Variants in LMBR1 observed in about 807,000 individuals in gnomAD.
LMBR1 encodes the protein limb region 1 protein homolog.
Under a neutral mutation model 73.9 loss-of-function variants are expected in LMBR1, and 52 were observed. The ratio of observed to expected loss-of-function variants is 0.70; its 90% confidence interval spans 0.56 to 0.89. The LOEUF (loss-of-function observed/expected upper bound fraction) is 0.89. Ranked by LOEUF, LMBR1 falls within the 40% of genes least tolerant of loss-of-function variation. The pLI is 0.00. For missense variants in LMBR1, 539 were observed against 579.8 expected (o/e 0.93, Z 0.72); for synonymous variants, 215 against 209.4 (o/e 1.03, Z -0.23).
chr7:156,674,432 T>C (rs112427529), downstream of LMBR1, among the ~76,000 whole-genome samples: 239 of 152,374 alleles, frequency 1.6e-3, no homozygotes, highest in African/African-American at 5.1e-3. Flanking sequence ...ACAGTCACCA[T>C]TGGCACAACC....
At chr7:156,733,634 A>T (rs1444991377) in intron 10 of LMBR1, among the ~76,000 whole-genome samples, 2 of 152,204 alleles carry the variant, frequency 1.3e-5, no homozygotes, top group Non-Finnish European at 2.9e-5. Flanking sequence ...CTGAAAAATA[A>T]AGGAACATCC....
chr7:156,692,577 G>C (rs1395506454), intron 15 of LMBR1, among the ~76,000 whole-genome samples: 2 of 152,156 alleles, frequency 1.3e-5, no homozygotes, highest in Admixed American at 6.5e-5. Flanking sequence ...GGAAACGAAG[G>C]ACAGTGATCA....
intron 4 of LMBR1, among the ~76,000 whole-genome samples, chr7:156,818,578 CT>C (rs1586008000): frequency 6.6e-6 from 1 of 152,152 alleles, no homozygotes; most frequent in East Asian, 1.9e-4. Flanking sequence ...TGATATTAAA[CT>C]CACATTACTT....
At chr7:156,776,105 G>C (rs1434209770) in intron 5 of LMBR1, among the ~76,000 whole-genome samples, 1 of 148,190 alleles carries the variant, frequency 6.7e-6, no homozygotes, top group African/African-American at 2.5e-5. Flanking sequence ...TTTTATATAT[G>C]TAAATTATAT....
At chr7:156,833,594 CAT>C in intron 3 of LMBR1, 157 bp downstream of exon 3, 1 of 401,632 alleles carries the variant, frequency 2.5e-6, no homozygotes, top group South Asian at 3.0e-5. Flanking sequence ...ATTATCCACA[CAT>C]ATTTGCTTAC....
chr7:156,793,813 C>A (rs983525340), intron 5 of LMBR1, among the ~76,000 whole-genome samples: 4 of 152,090 alleles, frequency 2.6e-5, no homozygotes, highest in Non-Finnish European at 4.4e-5. Flanking sequence ...CATGAATAAT[C>A]ACATCTCATT....
At chr7:156,788,820 G>C (rs948776467) in intron 5 of LMBR1, among the ~76,000 whole-genome samples, 2 of 152,220 alleles carry the variant, frequency 1.3e-5, no homozygotes, top group South Asian at 2.1e-4. Flanking sequence ...GGCCAAGGCA[G>C]GTGGATCACC....
intron 4 of LMBR1, among the ~76,000 whole-genome samples, chr7:156,807,589 T>C (rs1832369275): frequency 6.6e-6 from 1 of 152,190 alleles, no homozygotes; most frequent in South Asian, 2.1e-4. Flanking sequence ...CATTCTGGCA[T>C]TGTTTATCAA....
intron 9 of LMBR1, among the ~76,000 whole-genome samples, chr7:156,755,242 G>C (rs539514845): frequency 6.6e-6 from 1 of 152,234 alleles, no homozygotes; most frequent in South Asian, 2.1e-4. Flanking sequence ...CATATAATCA[G>C]CCACTTTTAA....
At chr7:156,866,219 G>C (rs1307925457) in intron 1 of LMBR1, among the ~76,000 whole-genome samples, 2 of 152,118 alleles carry the variant, frequency 1.3e-5, no homozygotes, top group East Asian at 3.8e-4. Context: ...ACCTAAAATA[G>C]TGACAACGAA....
intron 5 of LMBR1, among the ~76,000 whole-genome samples, chr7:156,780,495 A>G (rs1826939216): frequency 6.6e-6 from 1 of 152,236 alleles, no homozygotes; most frequent in African/African-American, 2.4e-5. Flanking sequence ...CAAAATTTTT[A>G]CACATAATTC....
chr7:156,718,750 CA>C (rs1339788642), intron 15 of LMBR1, among the ~76,000 whole-genome samples: 1 of 151,988 alleles, frequency 6.6e-6, no homozygotes, highest in Admixed American at 6.6e-5. Context: ...AAAAAGAAAA[CA>C]AACAGAATAC....
chr7:156,795,562 T>G (rs1157780249), intron 5 of LMBR1, among the ~76,000 whole-genome samples: 1 of 152,174 alleles, frequency 6.6e-6, no homozygotes, highest in Non-Finnish European at 1.5e-5. Context: ...TTCTTCTTGT[T>G]GTTTATTCTT....
chr7:156,859,935 A>G (rs898264458), intron 1 of LMBR1, among the ~76,000 whole-genome samples: 4 of 152,260 alleles, frequency 2.6e-5, no homozygotes, highest in Non-Finnish European at 4.4e-5. Flanking sequence ...TTTTGGTGAA[A>G]GAATAGAAAA....
rs763905326 is a variant in LMBR1 at position 156,678,912 on chromosome 7, G to A, written c.*5166C>T. 2.0e-5 allele frequency: 3 copies of A among 152,284 alleles called. No individual in the cohort carries two copies. The highest frequency in any genetic ancestry group is 4.1e-4 in the South Asian group (2 of 4,822). The allele number at this position is 152,284 out of a possible 1,614,324, so 9.4% of individuals were successfully genotyped here. A position where few individuals can be genotyped will look rare whatever the true frequency, so the allele number is the denominator to read the frequency against. On this transcript the variant is annotated 3_prime_UTR_variant, in exon 17 of 17. Transcript: ENST00000353442. Reference sequence around the variant, plus strand: ...CAAGTCCAGAAAGAGAATTCTTAGCGAATTGTGGGACTGGAGGCATTTGAT... The same window carrying A: ...CAAGTCCAGAAAGAGAATTCTTAGCAAATTGTGGGACTGGAGGCATTTGAT...
chr7:156,851,384 C>T (rs967048171), intron 1 of LMBR1, among the ~76,000 whole-genome samples: 1 of 152,212 alleles, frequency 6.6e-6, no homozygotes, highest in Non-Finnish European at 1.5e-5. Flanking sequence ...AATGCTTCCT[C>T]ACAGAAAACA....
intron 9 of LMBR1, among the ~76,000 whole-genome samples, chr7:156,742,979 G>T (rs1819185821): frequency 6.6e-6 from 1 of 152,122 alleles, no homozygotes; most frequent in African/African-American, 2.4e-5. Flanking sequence ...CATATCAATG[G>T]AATGAAGGAC....
chr7:156,733,707 G>GA, intron 10 of LMBR1, among the ~76,000 whole-genome samples: 1 of 148,700 alleles, frequency 6.7e-6, no homozygotes, highest in East Asian at 2.0e-4. Context: ...GAGGGGAAAA[G>GA]AAAAAATATT....
chr7:156,707,446 T>TA (rs550666816), intron 15 of LMBR1, among the ~76,000 whole-genome samples: 152 of 152,098 alleles, frequency 1.0e-3, no homozygotes, highest in Non-Finnish European at 1.8e-3. Context: ...ATATCCCTGA[T>TA]AAACACAGAT....
Sources: allele counts gnomAD v4.1 joint callset (sites outside exome capture counted in the v4.1 genomes callset), GRCh38; gene constraint gnomAD v4.1.1; transcripts MANE v1.5; gene names NCBI Gene and HGNC (gene_info 2026-07-23, HGNC 2026-07-21).